DNAJA4: variants seen among roughly 807,000 people sequenced by gnomAD.
The protein encoded by DNAJA4 is dnaJ homolog subfamily A member 4.
In DNAJA4, 32 loss-of-function variants were observed where a neutral mutation model predicts 39.7. The ratio of observed to expected loss-of-function variants is 0.81; its 90% CI spans 0.61 to 1.08. DNAJA4 has a LOEUF of 1.08. DNAJA4 is among the 50% of genes least tolerant of loss of function. The pLI is 0.00. For missense variants in DNAJA4, 439 were observed against 505.1 expected (o/e 0.87, Z 1.25); for synonymous variants, 184 against 182.4 (o/e 1.01, Z -0.07).
chr15:78,280,647 A>G lies in DNAJA4; in HGVS notation c.*187A>G, dbSNP rs2049630244. The G allele has an allele frequency of 5.3e-6, 3 of 563,952 alleles. No individual in the cohort carries two copies. The highest frequency in any genetic ancestry group is 9.3e-6 in the Non-Finnish European group (3 of 321,376). 34.9% of individuals were successfully genotyped at this position (563,952 alleles called of 1,614,324 possible). A position where few individuals can be genotyped will look rare whatever the true frequency, so the allele number is the denominator to read the frequency against. On this transcript the variant is annotated 3_prime_UTR_variant, in exon 7 of 7. Transcript: ENST00000394852. ...TAACTTAAGTTATAGCTTAATTTAT[A>G]TTTAAATGTTTTAAGTATAAATCAC...
intron 3 of DNAJA4, 25 bp from the exon 4 acceptor site, chr15:78,274,172 A>G: frequency 6.2e-7 from 1 of 1,604,882 alleles, no homozygotes; most frequent in Non-Finnish European, 8.5e-7. Flanking sequence ...CATGGCCCTC[A>G]TTCCTGCCTC....
intron 4 of DNAJA4, 153 bp from the exon 5 acceptor site, chr15:78,275,345 A>G (rs1422887275): frequency 1.6e-6 from 1 of 633,630 alleles, no homozygotes; most frequent in Non-Finnish European, 2.7e-6. Context: ...GTCATTGGCC[A>G]TCCTAGCCAC....
At chr15:78,266,038 A>G in intron 1 of DNAJA4, 2 of 594,234 alleles carry the variant, frequency 3.4e-6, no homozygotes, top group East Asian at 2.8e-5. Flanking sequence ...GCTTTCCTGT[A>G]AGACCATTTG....
chr15:78,270,536 C>T lies in DNAJA4; in HGVS notation c.172C>T (p.Pro58Ser). ...ISQAYEVLSD[P>S]KKRDVYDQGG... ...CCAGGCATATGAAGTGCTTTCAGATCCAAAGAAAAGGGATGTTTATGACCA... is the reference window on the plus strand; with the variant it reads ...CCAGGCATATGAAGTGCTTTCAGATTCAAAGAAAAGGGATGTTTATGACCA... Residue 58 changes from proline (P) to serine (S), a missense_variant, in exon 2 of 7, where the codon CCA (proline) becomes TCA (serine). Coordinates refer to ENST00000394852, the MANE Select transcript of DNAJA4 (RefSeq NM_001130182.2). The T allele has an allele frequency of 6.2e-7, 1 of 1,613,990 alleles. No individual in the cohort carries two copies. The highest frequency in any genetic ancestry group is 2.2e-5 in the East Asian group (1 of 44,880).
rs1215413811 is a variant in DNAJA4, at chr15:78,264,588, C to T, written c.-176C>T. The stretch of plus-strand genomic sequence containing the variant: ...GTGCGGTGGAGCCAGGCGTGGAAGT[C>T]GGTCCGGCGCGGGGCGGGGGGCGGG... On this transcript the variant is annotated 5_prime_UTR_variant, in exon 1 of 7. Coordinates refer to ENST00000394852, the MANE Select transcript of DNAJA4 (RefSeq NM_001130182.2). 4.3e-6 allele frequency: 5 copies of T among 1,168,076 alleles called. No homozygotes were observed. The highest frequency in any genetic ancestry group is 3.2e-5 in the African/African-American group (2 of 61,822). 72.4% of individuals were successfully genotyped at this position (1,168,076 alleles called of 1,614,324 possible).
At chr15:78,265,566 C>G in intron 1 of DNAJA4, 1 of 702,314 alleles carries the variant, frequency 1.4e-6, no homozygotes, top group Admixed American at 2.0e-5. Flanking sequence ...ATCATAAGTA[C>G]CAATCATAGA....
chr15:78,265,447 G>T, intron 1 of DNAJA4: 1 of 702,072 alleles, frequency 1.4e-6, no homozygotes, highest in South Asian at 1.5e-5. Flanking sequence ...AAAAGCGTCA[G>T]ATAGTGAATA....
intron 2 of DNAJA4, among the ~76,000 whole-genome samples, chr15:78,271,565 A>C (rs1213735221): frequency 6.6e-6 from 1 of 152,210 alleles, no homozygotes; most frequent in Non-Finnish European, 1.5e-5. Flanking sequence ...TTCAGAATGC[A>C]TTATGAGTAG....
Position 78,264,686 on chromosome 15 carries a change from A to G in DNAJA4, c.-78A>G, listed in dbSNP as rs2049068648. The stretch of plus-strand genomic sequence containing the variant: ...CGAGCGGGCGGCGGGGGCGCGGGCC[A>G]GGGGCGCGGGCCAGGGTGCCGGCAG... On this transcript the variant is annotated 5_prime_UTR_variant, in exon 1 of 7. Transcript: ENST00000394852. 4.2e-6 allele frequency: 5 copies of G among 1,190,770 alleles called. No homozygotes were observed. The African/African-American group carries it at 6.7e-5, about 16-fold the overall frequency. The allele number at this position is 1,190,770 out of a possible 1,614,324, so 73.8% of individuals were successfully genotyped here.
chr15:78,266,276 A>G (rs774463559), intron 1 of DNAJA4: 10 of 1,614,006 alleles, frequency 6.2e-6, no homozygotes, highest in Non-Finnish European at 8.5e-6. Flanking sequence ...TTCAGGTCAA[A>G]TCTCAGCACT....
At chr15:78,278,036 T>C (rs571548204) in intron 5 of DNAJA4, 1 of 456,148 alleles carries the variant, frequency 2.2e-6, no homozygotes, top group South Asian at 1.5e-5. Flanking sequence ...TCTTCCTCTT[T>C]TCTGCTGTTG....
intron 5 of DNAJA4, chr15:78,279,000 G>A (rs2049570793): frequency 6.6e-6 from 1 of 151,864 alleles, no homozygotes; most frequent in Non-Finnish European, 1.5e-5. Context: ...AGAATAAACA[G>A]GAACACAAAA....
intron 1 of DNAJA4, chr15:78,266,085 A>C (rs1376656172): frequency 1.5e-6 from 1 of 658,576 alleles, no homozygotes; most frequent in Non-Finnish European, 2.6e-6. Flanking sequence ...ATCTATATTT[A>C]GATGGCTTAC....
intron 1 of DNAJA4, among the ~76,000 whole-genome samples, chr15:78,267,181 AG>A (rs2049157871): frequency 4.4e-5 from 4 of 90,090 alleles, no homozygotes; most frequent in East Asian, 2.6e-4. Flanking sequence ...TGAGTGTGTG[AG>A]TGTGTGTGTG....
intron 1 of DNAJA4, chr15:78,265,748 G>A (rs1377733011): frequency 1.5e-6 from 1 of 678,304 alleles, no homozygotes; most frequent in East Asian, 2.7e-5. Context: ...TTCACTTCTT[G>A]CCATTTTCTT....
intron 5 of DNAJA4, among the ~76,000 whole-genome samples, chr15:78,277,619 T>G (rs2049507656): frequency 1.3e-5 from 2 of 152,168 alleles, no homozygotes; most frequent in African/African-American, 4.8e-5. Flanking sequence ...GCCCAGATCC[T>G]AGCCCTCCTG....
chr15:78,280,359 AAGG>A lies in DNAJA4; in HGVS notation c.1096_1098del (p.Glu366del). ...AGATGACATGGATCAGGTGGAGCTG[AAGG>A]AGTTTTGTCCCAATGAGCAGAACTG... On this transcript the variant is annotated inframe_deletion, in exon 7 of 7. Coordinates refer to ENST00000394852, the MANE Select transcript of DNAJA4 (RefSeq NM_001130182.2). The A allele has an allele frequency of 1.2e-6, 2 of 1,614,196 alleles. No homozygotes were observed. The highest frequency in any genetic ancestry group is 1.7e-6 in the Non-Finnish European group (2 of 1,180,036).
intron 4 of DNAJA4, chr15:78,274,736 T>C (rs1045522270): frequency 6.5e-5 from 26 of 399,698 alleles, no homozygotes; most frequent in Admixed American, 3.4e-4. Flanking sequence ...CCTGACATTC[T>C]CAAGCCATTC....
chr15:78,264,857 A>C lies in DNAJA4; in HGVS notation c.94A>C (p.Lys32Gln), dbSNP rs745848222. 112 of 1,607,820 alleles carry C rather than the reference A, an allele frequency of 7.0e-5. No individual in the cohort carries two copies. The highest frequency in any genetic ancestry group is 2.2e-4 in the East Asian group (10 of 44,500). Residue 32 changes from lysine to glutamine, a missense_variant, in exon 1 of 7, where the codon AAG becomes CAG. Lys to Gln is a moderately conservative substitution (Grantham distance 53, BLOSUM62 1). Coordinates refer to ENST00000394852, the MANE Select transcript of DNAJA4 (RefSeq NM_001130182.2). ...GAAGGCCTATCGGAAGCTGGCGCTC[A>C]AGTACCACCCGGACAAGAACCCGGA... The part of the protein sequence containing the change: ...IKKAYRKLAL[K>Q]YHPDKNPDEG...
Sources: allele counts gnomAD v4.1 joint callset (sites outside exome capture counted in the v4.1 genomes callset), GRCh38; gene constraint gnomAD v4.1.1; transcripts MANE v1.5; gene names NCBI Gene and HGNC (gene_info 2026-07-23, HGNC 2026-07-21).